The following FAM3B variants were observed in gnomAD, a reference collection of about 807,000 sequenced individuals.
FAM3B encodes the protein protein FAM3B.
A neutral mutation model predicts 28.4 loss-of-function variants in FAM3B; 29 were observed. The observed-to-expected ratio is 1.02, with a 90% confidence interval of 0.76 to 1.39. FAM3B has a LOEUF of 1.39. FAM3B is among the 40% of genes most tolerant of loss of function. The pLI is 0.00. For synonymous variants in FAM3B, 91 were observed against 103.0 expected (o/e 0.88, Z 0.71); for missense variants, 266 against 293.9 (o/e 0.91, Z 0.69).
At chr21:41,306,962 C>T (rs1009030890) in intron 1 of FAM3B, among the ~76,000 whole-genome samples, 4 of 152,182 alleles carry the variant, frequency 2.6e-5, no homozygotes, top group Non-Finnish European at 5.9e-5. Context: ...AGTAAATGAG[C>T]ATTGGTGTCA....
chr21:41,344,496 G>C lies in FAM3B; in HGVS notation c.308G>C (p.Gly103Ala), dbSNP rs1160249422. The change falls in exon 4 of 8, where the codon GGA (glycine) becomes GCA (alanine). Residue 103 changes from glycine to alanine, a missense_variant. Coordinates refer to ENST00000357985, the MANE Select transcript of FAM3B (RefSeq NM_058186.4). ...EDNLLMGEQL[G>A]NVARGINIAI... is the part of the protein sequence containing the mutation. ...TTCAGACTTATGGGAGAACAGCTGG[G>C]AAATGTTGCCAGAGGAATAAACATT... The C allele has an allele frequency of 5.6e-6, 9 of 1,614,042 alleles. No homozygotes were observed. The highest frequency in any genetic ancestry group is 7.6e-6 in the Non-Finnish European group (9 of 1,179,958).
intron 1 of FAM3B, 37 bp downstream of exon 1, chr21:41,316,935 G>C (rs755756161): frequency 1.5e-6 from 2 of 1,313,654 alleles, no homozygotes; most frequent in Middle Eastern, 2.2e-4. Context: ...GGGTAGGGGC[G>C]GGGAAGGAGG....
At chr21:41,346,677 T>G (rs1214560790) in intron 5 of FAM3B, among the ~76,000 whole-genome samples, 16 of 148,524 alleles carry the variant, frequency 1.1e-4, no homozygotes, top group Admixed American at 9.4e-4. Context: ...CTAAGGAGGG[T>G]TTTTTTTTTC....
chr21:41,322,105 C>G (rs923732304), intron 1 of FAM3B, among the ~76,000 whole-genome samples: 1 of 152,120 alleles, frequency 6.6e-6, no homozygotes, highest in Non-Finnish European at 1.5e-5. Flanking sequence ...AAGCAAACTG[C>G]TGAATAAGTT....
chr21:41,355,182 T>C (rs2089154813), intron 7 of FAM3B, among the ~76,000 whole-genome samples: 1 of 152,164 alleles, frequency 6.6e-6, no homozygotes, highest in South Asian at 2.1e-4. Context: ...GAAGTGCTGG[T>C]GAGAATATGG....
intron 7 of FAM3B, among the ~76,000 whole-genome samples, chr21:41,352,409 C>G (rs1037679309): frequency 3.3e-5 from 5 of 151,820 alleles, no homozygotes; most frequent in Non-Finnish European, 5.9e-5. Context: ...TTTGTACCTT[C>G]CCTGAGAAAG....
intron 2 of FAM3B, among the ~76,000 whole-genome samples, chr21:41,329,570 T>A (rs1440252743): frequency 5.3e-5 from 8 of 151,614 alleles, no homozygotes; most frequent in Non-Finnish European, 1.0e-4. Flanking sequence ...TTCTTTCTTT[T>A]TCCTTTTTTT....
At chr21:41,332,235 C>A (rs2088912788) in intron 2 of FAM3B, among the ~76,000 whole-genome samples, 1 of 152,212 alleles carries the variant, frequency 6.6e-6, no homozygotes, top group African/African-American at 2.4e-5. Context: ...TGTAAGCTTC[C>A]TGAGGCCTCC....
chr21:41,325,749 C>A (rs960364636), intron 2 of FAM3B, among the ~76,000 whole-genome samples: 1 of 152,172 alleles, frequency 6.6e-6, no homozygotes, highest in African/African-American at 2.4e-5. Flanking sequence ...TCCACCCTTC[C>A]AAGTCCCAGT....
At chr21:41,355,461 T>C (rs2089156899) in intron 7 of FAM3B, among the ~76,000 whole-genome samples, 1 of 152,218 alleles carries the variant, frequency 6.6e-6, no homozygotes, top group Non-Finnish European at 1.5e-5. Flanking sequence ...ATATAAAATA[T>C]GGCTTAGCCA....
chr21:41,337,054 T>A (rs1044115670), intron 2 of FAM3B, among the ~76,000 whole-genome samples: 2 of 152,218 alleles, frequency 1.3e-5, no homozygotes, highest in South Asian at 4.1e-4. Flanking sequence ...CTTTACTACT[T>A]CCATTTTGTT....
At chr21:41,356,244 C>T (rs1488195713) in intron 7 of FAM3B, among the ~76,000 whole-genome samples, 1 of 152,100 alleles carries the variant, frequency 6.6e-6, no homozygotes, top group South Asian at 2.1e-4. Flanking sequence ...AGTACAGATG[C>T]TCTTCAGCTT....
chr21:41,336,407 A>G (rs2088955866), intron 2 of FAM3B, among the ~76,000 whole-genome samples: 1 of 152,182 alleles, frequency 6.6e-6, no homozygotes, highest in Non-Finnish European at 1.5e-5. Flanking sequence ...CTATAGTCCC[A>G]GCTACTTGGG....
At chr21:41,311,251 A>AAAATATATATATAT (rs1555866518) in intron 1 of FAM3B, among the ~76,000 whole-genome samples, 1 of 35,078 alleles carries the variant, frequency 2.9e-5, no homozygotes, top group Non-Finnish European at 4.7e-5. Flanking sequence ...AAAAAAAAAA[A>AAAATATATATATAT]ATATATATAT....
rs559724136 is a variant in FAM3B, at chr21:41,306,453, C to G, written n.99+2143C>G. On this transcript the variant is annotated intron_variant and non_coding_transcript_variant, in intron 1 of 9. Transcript: ENST00000479810. The stretch of plus-strand genomic sequence containing the variant: ...GTGGCTGTATTCCTACAAATGTATT[C>G]CTTAAAATATAAGACTTGAAAGTCA... Among the ~76,000 whole-genome samples the G allele has an allele frequency of 4.6e-5, 7 of 152,278 alleles. No individual in the cohort carries two copies. The East Asian group carries it at 7.7e-4, about 17-fold the overall frequency.
Position 41,338,424 on chromosome 21 carries a change from A to G in FAM3B, c.210A>G (p.Pro70=). The stretch of plus-strand genomic sequence containing the variant: ...AATGTGACCACTGGACTCCCTGCCC[A>G]TCTGACACCTATGCCTACAGGTTAC... ...RQKCDHWTPC[P]SDTYAYRLLS... The change falls in exon 3 of 8, where the codon CCA becomes CCG. Residue 70 remains proline (P), a synonymous_variant. Coordinates refer to ENST00000357985, the MANE Select transcript of FAM3B (RefSeq NM_058186.4). 6 of 1,614,166 alleles carry G rather than the reference A, an allele frequency of 3.7e-6. No homozygotes were observed. The highest frequency in any genetic ancestry group is 5.1e-6 in the Non-Finnish European group (6 of 1,180,020).
intron 4 of FAM3B, 116 bp from the exon 5 acceptor site, chr21:41,345,570 G>T (rs2089049376): frequency 3.2e-6 from 2 of 618,914 alleles, no homozygotes; most frequent in Admixed American, 3.4e-5. Context: ...CATTACATCA[G>T]TGGTGTTTGC....
intron 2 of FAM3B, among the ~76,000 whole-genome samples, chr21:41,324,336 C>T (rs1568913811): frequency 1.3e-5 from 2 of 152,184 alleles, no homozygotes; most frequent in African/African-American, 2.4e-5. Context: ...TACCCCAGGC[C>T]CTCATTCCTG....
At chr21:41,306,351 C>T (rs990750093) in intron 1 of FAM3B, among the ~76,000 whole-genome samples, 2 of 152,178 alleles carry the variant, frequency 1.3e-5, no homozygotes, top group Non-Finnish European at 2.9e-5. Context: ...TTCTTAATGG[C>T]GTCTTCAATG....
Sources: allele counts gnomAD v4.1 joint callset (sites outside exome capture counted in the v4.1 genomes callset), GRCh38; gene constraint gnomAD v4.1.1; transcripts MANE v1.5; gene names NCBI Gene and HGNC (gene_info 2026-07-23, HGNC 2026-07-21).